The following CA13 variants were observed in gnomAD, a reference collection of about 807,000 sequenced individuals.
The protein encoded by CA13 is carbonic anhydrase 13.
Under a neutral mutation model 31.5 loss-of-function variants are expected in CA13, and 21 were observed. The ratio of observed to expected loss-of-function variants is 0.67; its 90% CI spans 0.47 to 0.96. CA13 has a LOEUF of 0.96. CA13 is among the 40% of genes least tolerant of loss of function. CA13 has a pLI of 0.00. For synonymous variants in CA13, 117 were observed against 111.4 expected, an observed-to-expected ratio of 1.05 and a Z score of -0.32; for missense variants, 315 against 318.9, an observed-to-expected ratio of 0.99 and a Z score of 0.09.
At position 85,281,343 on chromosome 8, in the gene CA13, C is replaced by G; in HGVS notation, c.783C>G (p.Phe261Leu). Residue 261 changes from phenylalanine (F) to leucine (L), a missense_variant, in exon 7 of 7, where the codon TTC becomes TTG. Physicochemically the swap from Phe to Leu is conservative, Grantham distance 22. Transcript: ENST00000321764. ...AGGGCCGCAAAGTGAGAGCCTCTTT[C>G]CATTAAAAATTGTCACCAATGAACT... ...PLKGRKVRAS[F>L]H 2 of 1,613,708 alleles carry G rather than the reference C, an allele frequency of 1.2e-6. No individual in the cohort carries two copies. Among genetic ancestry groups the G allele is most frequent in the Non-Finnish European group, 1.7e-6 (2 of 1,179,814 alleles).
intron 2 of CA13, among the ~76,000 whole-genome samples, chr8:85,254,044 C>T (rs1427489579): frequency 1.3e-5 from 2 of 151,818 alleles, no homozygotes; most frequent in Admixed American, 1.3e-4. Context: ...TTTGGGAGGC[C>T]GAGGTGGGCA....
Position 85,281,398 on chromosome 8 carries a change from A to G in CA13, c.*49A>G. 1 of 1,588,858 alleles carries G rather than the reference A, an allele frequency of 6.3e-7. No homozygotes were observed. The highest frequency in any genetic ancestry group is 2.3e-5 in the East Asian group (1 of 44,310). On this transcript the variant is annotated 3_prime_UTR_variant, in exon 7 of 7. Transcript: ENST00000321764. Reference sequence around the variant, plus strand: ...CAAACATGGCTGTGGAGAGACAACAAAACAAAACAAAGCACAAAAGTCTCT... The same window carrying G: ...CAAACATGGCTGTGGAGAGACAACAGAACAAAACAAAGCACAAAAGTCTCT...
At chr8:85,259,361 T>C (rs1807346242) in intron 2 of CA13, 60 bp from the exon 3 acceptor site, 1 of 1,372,272 alleles carries the variant, frequency 7.3e-7, no homozygotes, top group African/African-American at 1.4e-5. Context: ...ATGTTGTGGT[T>C]TGAGCAGCTT....
intron 6 of CA13, among the ~76,000 whole-genome samples, chr8:85,271,082 A>T (rs1421473929): frequency 6.6e-6 from 1 of 152,222 alleles, no homozygotes; most frequent in Non-Finnish European, 1.5e-5. Flanking sequence ...GTAACAATTC[A>T]ATTTATTAAA....
intron 2 of CA13, among the ~76,000 whole-genome samples, chr8:85,252,251 G>A (rs1807204244): frequency 6.6e-6 from 1 of 151,742 alleles, no homozygotes; most frequent in African/African-American, 2.4e-5. Flanking sequence ...GCAAGATCCT[G>A]TCTCAAAAGA....
chr8:85,268,728 G>T, intron 6 of CA13, 101 bp downstream of exon 6: 2 of 1,022,320 alleles, frequency 2.0e-6, no homozygotes, highest in East Asian at 5.1e-5. Context: ...GTGTTTTGAA[G>T]TCTGTTTTCT....
chr8:85,251,455 T>C (rs915572827), intron 2 of CA13, among the ~76,000 whole-genome samples: 1 of 152,238 alleles, frequency 6.6e-6, no homozygotes. Flanking sequence ...TGGAAAAGGA[T>C]ATGTTGCATG....
chr8:85,266,833 G>T, intron 4 of CA13, 130 bp downstream of exon 4: 1 of 619,528 alleles, frequency 1.6e-6, no homozygotes, highest in Non-Finnish European at 2.8e-6. Context: ...CTTTTGAAAT[G>T]AATATTTAAA....
At chr8:85,266,782 A>G (rs1386331082) in intron 4 of CA13, 79 bp downstream of exon 4, 4 of 1,014,112 alleles carry the variant, frequency 3.9e-6, no homozygotes, top group Non-Finnish European at 4.5e-6. Flanking sequence ...ACATTCAACC[A>G]TCTTGTTTAA....
chr8:85,278,022 A>G (rs1807640872), intron 6 of CA13, among the ~76,000 whole-genome samples: 1 of 151,890 alleles, frequency 6.6e-6, no homozygotes, highest in Non-Finnish European at 1.5e-5. Context: ...GCATTTTGAA[A>G]GGCTGAGGCG....
chr8:85,275,733 A>AC lies in CA13; in HGVS notation c.670-5495dup, dbSNP rs574853710. Among the ~76,000 whole-genome samples the AC allele has an allele frequency of 1.7e-3, 252 of 152,370 alleles. 1 individual carries two copies. The highest frequency in any genetic ancestry group is 6.8e-3 in the Middle Eastern group (2 of 294). On this transcript the variant is annotated intron_variant, in intron 6 of 6. Coordinates refer to ENST00000321764, the MANE Select transcript of CA13 (RefSeq NM_198584.3). ...TTGGACAAATAGTCCCATTACGACT[A>AC]CCGGATACTCCTAGATTTTTTACTT...
chr8:85,250,982 T>C (rs1813817135), intron 2 of CA13, 45 bp downstream of exon 2: 19 of 1,458,902 alleles, frequency 1.3e-5, no homozygotes, highest in Non-Finnish European at 1.8e-5. Flanking sequence ...ATGAAGGGTT[T>C]GAATGATTAG....
Sources: gnomAD v4.1 joint callset for allele counts (sites outside exome capture counted in the v4.1 genomes callset) on GRCh38, gnomAD v4.1.1 for gene constraint, MANE v1.5 for transcripts, NCBI Gene and HGNC (gene_info 2026-07-23, HGNC 2026-07-21) for gene names.